The following CNKSR2 variants were observed in gnomAD, a reference collection of about 807,000 sequenced individuals.
The protein encoded by CNKSR2 is CNK homolog protein 2.
A neutral mutation model predicts 84.4 loss-of-function variants in CNKSR2; 14 were observed. The ratio of observed to expected loss-of-function variants is 0.17; its 90% CI spans 0.11 to 0.26. CNKSR2 has a LOEUF of 0.26. Among genes scored for constraint, CNKSR2 ranks in the 10% least tolerant of loss-of-function variants. CNKSR2 has a pLI of 1.00. For synonymous variants in CNKSR2, 275 were observed against 277.9 expected (o/e 0.99, Z 0.10); for missense variants, 485 against 771.2 (o/e 0.63, Z 4.40).
At chrX:21,470,073 G>T (rs946061209) in intron 4 of CNKSR2, among the ~76,000 whole-genome samples, 1 of 111,802 alleles carries the variant, frequency 8.9e-6, no homozygotes. Context: ...ATTTTGTGAG[G>T]AAACTGCGCC....
chrX:21,508,939 T>C (rs1872602025), intron 8 of CNKSR2, among the ~76,000 whole-genome samples: 1 of 112,053 alleles, frequency 8.9e-6, no homozygotes, highest in African/African-American at 3.2e-5. Context: ...CTGATTTAGC[T>C]CTCAGAACTT....
At chrX:21,579,870 C>G (rs906153045) in intron 13 of CNKSR2, among the ~76,000 whole-genome samples, 1 of 111,720 alleles carries the variant, frequency 9.0e-6, no homozygotes, top group East Asian at 2.8e-4. Context: ...GTAACCAGTT[C>G]TGAAGAAGTG....
At chrX:21,547,440 T>A (rs1001128292) in intron 11 of CNKSR2, among the ~76,000 whole-genome samples, 1 of 111,116 alleles carries the variant, frequency 9.0e-6, no homozygotes, top group Non-Finnish European at 1.9e-5. Flanking sequence ...AAGTCCTGAG[T>A]GACCTACAAA....
At chrX:21,605,082 G>A (rs1163525858) in intron 18 of CNKSR2, among the ~76,000 whole-genome samples, 2 of 111,621 alleles carry the variant, frequency 1.8e-5, no homozygotes, top group African/African-American at 6.5e-5. Flanking sequence ...TCTGAAAGGC[G>A]GTTATTATTA....
At chrX:21,429,102 C>T (rs1190650405) in intron 2 of CNKSR2, 3 of 111,884 alleles carry the variant, frequency 2.7e-5, no homozygotes, top group South Asian at 7.4e-4. Flanking sequence ...AAATACATTT[C>T]TTTATTTCTT....
chrX:21,549,584 C>T (rs893077445), intron 11 of CNKSR2, among the ~76,000 whole-genome samples: 14 of 111,890 alleles, frequency 1.3e-4, no homozygotes, highest in African/African-American at 4.2e-4. Flanking sequence ...TCATACGGAA[C>T]CAAAAAAGAG....
intron 1 of CNKSR2, among the ~76,000 whole-genome samples, chrX:21,407,974 T>C (rs1229228978): frequency 8.9e-6 from 1 of 111,750 alleles, no homozygotes; most frequent in Non-Finnish European, 1.9e-5. Context: ...TCTAGGATCC[T>C]TAGAAATTTT....
At chrX:21,533,530 A>G (rs1233522132) in intron 11 of CNKSR2, among the ~76,000 whole-genome samples, 4 of 111,189 alleles carry the variant, frequency 3.6e-5, no homozygotes, top group Non-Finnish European at 7.6e-5. Flanking sequence ...TGATGACTTT[A>G]TTTTAAAAAA....
chrX:21,479,384 A>T (rs1353309267), intron 5 of CNKSR2, among the ~76,000 whole-genome samples: 1 of 111,063 alleles, frequency 9.0e-6, no homozygotes, highest in African/African-American at 3.3e-5. Context: ...TATCTTTGCT[A>T]TTGTGAATTT....
At chrX:21,561,705 A>G in intron 12 of CNKSR2, 145 bp downstream of exon 12, 1 of 457,573 alleles carries the variant, frequency 2.2e-6, no homozygotes, top group Non-Finnish European at 3.8e-6. Context: ...TAAGACCAAC[A>G]TTTGACTATC....
chrX:21,568,923 G>A (rs1455846426), intron 13 of CNKSR2, among the ~76,000 whole-genome samples: 1 of 111,292 alleles, frequency 9.0e-6, no homozygotes, highest in African/African-American at 3.3e-5. Flanking sequence ...TTGTATAGTG[G>A]CAACCACGTG....
At chrX:21,488,678 A>C (rs141243202) in intron 5 of CNKSR2, among the ~76,000 whole-genome samples, 1 of 111,865 alleles carries the variant, frequency 8.9e-6, no homozygotes, top group Admixed American at 9.5e-5. Flanking sequence ...GACCAAGGAC[A>C]GAACATAGTA....
At chrX:21,642,261 A>G (rs2092694203) in intron 20 of CNKSR2, 4 of 752,953 alleles carry the variant, frequency 5.3e-6, no homozygotes, top group Non-Finnish European at 6.3e-6. Flanking sequence ...AAAATTTCTC[A>G]TGCCAGGCTT....
chrX:21,648,794 CTTTTTTTTTTTTTTTT>C (rs33962399), intron 20 of CNKSR2, 21 bp from the exon 21 acceptor site: 2 of 316,243 alleles, frequency 6.3e-6, no homozygotes, highest in African/African-American at 6.2e-5. Flanking sequence ...CTCTCTCTTT[CTTTTTTTTTTTTTTTT>C]TTTTTTTTTG....
chrX:21,629,095 G>A (rs960472243), intron 20 of CNKSR2, among the ~76,000 whole-genome samples: 2 of 112,348 alleles, frequency 1.8e-5, no homozygotes, highest in Non-Finnish European at 3.8e-5. Flanking sequence ...CTCTAGGGCA[G>A]GGGCAAAATG....
rs2092593553 is a variant in CNKSR2, at chrX:21,619,712, A to G, written c.2692+10095A>G. Among the ~76,000 whole-genome samples the G allele has an allele frequency of 2.7e-5, 3 of 110,689 alleles. No homozygotes were observed. In the Admixed American group the frequency reaches 2.9e-4, roughly 11 times the overall value. ...TTACGAAATGGACACTGTAAAGCAT[A>G]CACCTTGAGATTCTTGGTGAGAGAA... On this transcript the variant is annotated intron_variant, in intron 20 of 21. Coordinates refer to ENST00000379510, the MANE Select transcript of CNKSR2 (RefSeq NM_014927.5).
At chrX:21,476,979 C>T in intron 5 of CNKSR2, among the ~76,000 whole-genome samples, 1 of 111,745 alleles carries the variant, frequency 8.9e-6, no homozygotes, top group East Asian at 2.8e-4. Context: ...CTATACTCTA[C>T]TTACTCCTCA....
chrX:21,426,900 G>A (rs1457435426), intron 2 of CNKSR2: 1 of 368,298 alleles, frequency 2.7e-6, no homozygotes, highest in East Asian at 5.0e-5. Flanking sequence ...AGAACCTTAA[G>A]TCCAGAGTGT....
At chrX:21,621,410 ACT>A (rs1259932478) in intron 20 of CNKSR2, among the ~76,000 whole-genome samples, 5 of 111,099 alleles carry the variant, frequency 4.5e-5, no homozygotes, top group African/African-American at 1.6e-4. Context: ...AAAGTATTTG[ACT>A]CTGTTACAAA....
Sources: gnomAD v4.1 joint callset for allele counts (sites outside exome capture counted in the v4.1 genomes callset) on GRCh38, gnomAD v4.1.1 for gene constraint, MANE v1.5 for transcripts, NCBI Gene and HGNC (gene_info 2026-07-23, HGNC 2026-07-21) for gene names.